SASH1: variants seen among roughly 807,000 people sequenced by gnomAD.
SASH1 encodes SAM and SH3 domain containing 1, also known as SAM and SH3 domain-containing protein 1.
A neutral mutation model predicts 125.2 loss-of-function variants in SASH1; 44 were observed. That is an observed-to-expected ratio of 0.35 (90% CI 0.28 to 0.45). SASH1 has a LOEUF of 0.45. Ranked by LOEUF, SASH1 falls within the 20% of genes least tolerant of loss-of-function variation. The pLI is 1.00. For missense variants in SASH1, 1,426 were observed against 1,614.5 expected (o/e 0.88, Z 2.00); for synonymous variants, 639 against 649.1 (o/e 0.98, Z 0.24).
At chr6:148,454,841 C>G (rs540237106) in intron 4 of SASH1, among the ~76,000 whole-genome samples, 2 of 152,312 alleles carry the variant, frequency 1.3e-5, no homozygotes, top group South Asian at 4.1e-4. Flanking sequence ...CCGGCTGATT[C>G]ATTACTTCGT....
chr6:148,487,084 C>T (rs116994116), intron 7 of SASH1, among the ~76,000 whole-genome samples: 28,071 of 110,418 alleles, frequency 0.25, 4,719 homozygotes, highest in Middle Eastern at 0.37. Flanking sequence ...ATATATAACA[C>T]ATATATATAC....
rs1309739519 is a variant in SASH1, at chr6:148,532,826, T to C, written c.1594T>C (p.Ser532Pro). The change falls in exon 14 of 20, where the codon TCA (serine) becomes CCA (proline). Residue 532 changes from serine (S) to proline (P), a missense_variant. By Grantham distance (74) the Ser-to-Pro change is moderately conservative. Coordinates refer to ENST00000367467, the MANE Select transcript of SASH1 (RefSeq NM_015278.5). This position sits in a 1 kb window ranked among gnomAD's most constrained non-coding sequence, Gnocchi z 4.7. Reference sequence around the variant, plus strand: ...TCAAACAGTGAGCACCACTGATTCCTCAACCAGCAACCGGGAAAGCGTCAA... The same window carrying C: ...TCAAACAGTGAGCACCACTGATTCCCCAACCAGCAACCGGGAAAGCGTCAA... The part of the protein sequence containing the change: ...SGQTVSTTDS[S>P]TSNRESVKSE... 1 of 1,614,200 alleles carries C rather than the reference T, an allele frequency of 6.2e-7. No homozygotes were observed. The highest frequency in any genetic ancestry group is 8.5e-7 in the Non-Finnish European group (1 of 1,180,036).
chr6:148,402,328 TG>T (rs1344249349), intron 2 of SASH1, among the ~76,000 whole-genome samples: 3 of 152,328 alleles, frequency 2.0e-5, no homozygotes, highest in African/African-American at 4.8e-5. Flanking sequence ...TTTGTTTTTT[TG>T]TTTAAGAGTC....
chr6:148,205,249 C>G, the SASH1 span, among the ~76,000 whole-genome samples: 2 of 152,192 alleles, frequency 1.3e-5, no homozygotes, highest in Admixed American at 6.5e-5. Flanking sequence ...TTTAACCACT[C>G]TCCTTCGACT....
intron 9 of SASH1, among the ~76,000 whole-genome samples, chr6:148,518,268 G>C (rs531602670): frequency 1.3e-5 from 2 of 152,276 alleles, no homozygotes; most frequent in Admixed American, 6.5e-5. Context: ...TCAGGGGACT[G>C]TGGGCTAGGC....
intron 7 of SASH1, among the ~76,000 whole-genome samples, chr6:148,474,805 C>G (rs1348554220): frequency 1.3e-5 from 2 of 152,154 alleles, no homozygotes; most frequent in Non-Finnish European, 2.9e-5. Context: ...CCCGTGGGCT[C>G]AAGTGATCCT....
chr6:148,257,679 A>G, the SASH1 span, among the ~76,000 whole-genome samples: 2 of 139,778 alleles, frequency 1.4e-5, no homozygotes, highest in Non-Finnish European at 3.0e-5. Flanking sequence ...TCGCCAGGCT[A>G]GAGTGCAGTG....
chr6:148,214,872 A>C, the SASH1 span, among the ~76,000 whole-genome samples: 2 of 152,050 alleles, frequency 1.3e-5, no homozygotes, highest in Non-Finnish European at 2.9e-5. Context: ...TGCTGAACTG[A>C]GCTGAAACAG....
the SASH1 span, among the ~76,000 whole-genome samples, chr6:148,202,311 T>C: frequency 3.3e-5 from 5 of 152,262 alleles, no homozygotes; most frequent in South Asian, 1.0e-3. Flanking sequence ...CTAGTGTGCC[T>C]TTCTCAGTAG....
At chr6:148,482,036 A>G (rs80157382) in intron 7 of SASH1, among the ~76,000 whole-genome samples, 3,309 of 146,512 alleles carry the variant, frequency 0.023, 119 homozygotes, top group African/African-American at 0.08. Flanking sequence ...AGGACATTCA[A>G]TCTTTTACTA....
intron 2 of SASH1, among the ~76,000 whole-genome samples, chr6:148,439,514 C>T (rs1415204945): frequency 6.6e-6 from 1 of 152,162 alleles, no homozygotes; most frequent in Non-Finnish European, 1.5e-5. Flanking sequence ...CGCGGTGGCT[C>T]ATGCCTGTAA....
chr6:148,428,286 T>C (rs2114967988), intron 2 of SASH1, among the ~76,000 whole-genome samples: 1 of 152,318 alleles, frequency 6.6e-6, no homozygotes, highest in South Asian at 2.1e-4. Flanking sequence ...TAAGTCATTT[T>C]CTGGAACGTG....
the SASH1 span, among the ~76,000 whole-genome samples, chr6:148,223,876 A>T: frequency 5.3e-5 from 8 of 152,338 alleles, no homozygotes; most frequent in East Asian, 1.2e-3. Flanking sequence ...CAGCCTCAAT[A>T]ATCTATACTG....
the SASH1 span, among the ~76,000 whole-genome samples, chr6:148,258,923 T>G: frequency 6.6e-6 from 1 of 152,250 alleles, no homozygotes; most frequent in Admixed American, 6.5e-5. Context: ...CAAAATGGCA[T>G]GCACCAAGTG....
chr6:148,492,242 T>G (rs1779137304), intron 8 of SASH1, among the ~76,000 whole-genome samples: 1 of 152,234 alleles, frequency 6.6e-6, no homozygotes, highest in African/African-American at 2.4e-5. Context: ...ATCAAGCATT[T>G]AGAACAAGCT....
intron 6 of SASH1, among the ~76,000 whole-genome samples, chr6:148,472,414 T>G (rs1294506619): frequency 6.7e-6 from 1 of 149,462 alleles, no homozygotes; most frequent in Non-Finnish European, 1.5e-5. Flanking sequence ...TCACCCAGCG[T>G]CACTTGTGAT....
At chr6:148,335,253 G>A (rs546317559) in intron 1 of SASH1, among the ~76,000 whole-genome samples, 25 of 148,654 alleles carry the variant, frequency 1.7e-4, no homozygotes, top group Non-Finnish European at 2.7e-4. Context: ...AGCTGAGATC[G>A]CACCACTGCA....
intron 1 of SASH1, among the ~76,000 whole-genome samples, chr6:148,387,686 T>TTCTTTCTTTCTTTCTC (rs1562371755): frequency 7.9e-6 from 1 of 125,998 alleles, no homozygotes; most frequent in East Asian, 2.2e-4. Context: ...CTTTCTTTCT[T>TTCTTTCTTTCTTTCTC]TCTTTCGGCA....
In SASH1 at chr6:148,281,004, C is replaced by T. The variant is rs374491505; in HGVS notation, n.74+8627C>T. ...TGTCACCCAGGCTGGAATGCAGTGTCATGATCTTGGCTCACTGAACCTCCA... is the reference window on the plus strand; with the variant it reads ...TGTCACCCAGGCTGGAATGCAGTGTTATGATCTTGGCTCACTGAACCTCCA... On this transcript the variant is annotated intron_variant and non_coding_transcript_variant, in intron 1 of 3. Coordinates refer to the SASH1 transcript ENST00000367469. Among the ~76,000 whole-genome samples the T allele has an allele frequency of 5.9e-5, 9 of 151,396 alleles. No individual in the cohort carries two copies. The East Asian group carries it at 1.6e-3, about 26-fold the overall frequency.
Sources: allele counts gnomAD v4.1 joint callset (sites outside exome capture counted in the v4.1 genomes callset), GRCh38; gene constraint gnomAD v4.1.1; non-coding constraint Gnocchi (gnomAD v3.1); transcripts MANE v1.5; gene names NCBI Gene and HGNC (gene_info 2026-07-23, HGNC 2026-07-21).